Variants in CNTNAP2 observed in about 807,000 individuals in gnomAD.
CNTNAP2 encodes the protein contactin-associated protein-like 2.
A neutral mutation model predicts 155.2 loss-of-function variants in CNTNAP2; 98 were observed. The ratio of observed to expected loss-of-function variants is 0.63; its 90% CI spans 0.54 to 0.75. The LOEUF (loss-of-function observed/expected upper bound fraction) is 0.75, where lower values mean the gene tolerates loss of function less well. Among genes scored for constraint, CNTNAP2 ranks in the 30% least tolerant of loss-of-function variants. The pLI, the probability that CNTNAP2 is intolerant of heterozygous loss-of-function variation, is 0.00. For missense variants in CNTNAP2, 1,727 were observed against 1,688.1 expected, an observed-to-expected ratio of 1.02 and a Z score of -0.40; for synonymous variants, 651 against 631.2, an observed-to-expected ratio of 1.03 and a Z score of -0.47.
rs1408011137 is a variant in CNTNAP2, at chr7:147,025,864, TTA to T, written c.403-18042_403-18041del. 4.3e-3 allele frequency among the ~76,000 whole-genome samples: 419 copies of T among 97,322 alleles called. 2 individuals are homozygous for T. The highest frequency in any genetic ancestry group is 0.015 in the African/African-American group (331 of 22,826). 63.8% of individuals were successfully genotyped at this position (97,322 alleles called of 152,430 possible). ...TGTGTTGCTGTTGTTTTTTTTTTTTTTAAATTTTTATATATTTTTTAATTTGT... is the reference window on the plus strand; with the variant it reads ...TGTGTTGCTGTTGTTTTTTTTTTTTTAATTTTTATATATTTTTTAATTTGT... On this transcript the variant is annotated intron_variant, in intron 3 of 23. Transcript: ENST00000361727.
intron 10 of CNTNAP2, among the ~76,000 whole-genome samples, chr7:147,414,489 T>C (rs1184439496): frequency 1.3e-5 from 2 of 151,542 alleles, no homozygotes; most frequent in African/African-American, 2.4e-5. Flanking sequence ...TATCTAAATG[T>C]GTAGTTGTTT....
At chr7:147,131,317 A>G (rs923928397) in intron 7 of CNTNAP2, among the ~76,000 whole-genome samples, 1 of 151,712 alleles carries the variant, frequency 6.6e-6, no homozygotes, top group Non-Finnish European at 1.5e-5. Flanking sequence ...TAGAGATAGA[A>G]CCAATGAAAA....
At chr7:146,140,973 T>C (rs1027245435) in intron 1 of CNTNAP2, among the ~76,000 whole-genome samples, 2 of 152,184 alleles carry the variant, frequency 1.3e-5, no homozygotes, top group Admixed American at 6.5e-5. Flanking sequence ...TGACTGTAGG[T>C]TTGTGCAATT....
At chr7:146,976,197 G>A (rs10255778) in intron 3 of CNTNAP2, among the ~76,000 whole-genome samples, 13,994 of 152,154 alleles carry the variant, frequency 0.092, 729 homozygotes, top group Middle Eastern at 0.16. Context: ...TGCTTCTCTC[G>A]CACTACAACA....
intron 13 of CNTNAP2, among the ~76,000 whole-genome samples, chr7:147,890,239 A>T (rs946790958): frequency 2.0e-5 from 3 of 152,216 alleles, no homozygotes; most frequent in African/African-American, 7.2e-5. Context: ...ATGACAGCAT[A>T]ATTCAAAACT....
chr7:146,753,379 AAT>A (rs1801939296), intron 1 of CNTNAP2, among the ~76,000 whole-genome samples: 1 of 152,194 alleles, frequency 6.6e-6, no homozygotes, highest in African/African-American at 2.4e-5. Flanking sequence ...TTAAAAAAAA[AAT>A]GTAAGAATGG....
intron 1 of CNTNAP2, among the ~76,000 whole-genome samples, chr7:146,352,409 A>G (rs1024280064): frequency 9.2e-5 from 14 of 152,096 alleles, no homozygotes; most frequent in African/African-American, 3.4e-4. Flanking sequence ...CATCTTTTTA[A>G]TTTATCATAT....
intron 21 of CNTNAP2, among the ~76,000 whole-genome samples, chr7:148,299,355 A>G (rs1322094232): frequency 6.6e-6 from 1 of 152,180 alleles, no homozygotes; most frequent in East Asian, 1.9e-4. Context: ...AGAAAAGGAA[A>G]CAGAGCTGGG....
At chr7:147,678,008 C>T (rs1001303808) in intron 13 of CNTNAP2, among the ~76,000 whole-genome samples, 1 of 151,644 alleles carries the variant, frequency 6.6e-6, no homozygotes, top group Non-Finnish European at 1.5e-5. Flanking sequence ...TAAACCTCAT[C>T]ATCGTTTAGG....
At chr7:147,734,024 C>G (rs1371580032) in intron 13 of CNTNAP2, among the ~76,000 whole-genome samples, 2 of 152,080 alleles carry the variant, frequency 1.3e-5, no homozygotes, top group African/African-American at 4.8e-5. Flanking sequence ...TCCTGCCTGA[C>G]TGCCCTGGCC....
intron 21 of CNTNAP2, among the ~76,000 whole-genome samples, chr7:148,301,718 C>G (rs902255913): frequency 1.3e-5 from 2 of 152,188 alleles, no homozygotes; most frequent in Non-Finnish European, 2.9e-5. Flanking sequence ...GGATGTGGAT[C>G]TGTGCCAGTG....
At chr7:146,794,019 T>C (rs1314615664) in intron 2 of CNTNAP2, among the ~76,000 whole-genome samples, 2 of 152,208 alleles carry the variant, frequency 1.3e-5, no homozygotes, top group Non-Finnish European at 2.9e-5. Flanking sequence ...TAGAGACAGC[T>C]GCTGCTGATT....
intron 3 of CNTNAP2, among the ~76,000 whole-genome samples, chr7:146,894,167 A>G (rs535542019): frequency 6.6e-6 from 1 of 152,222 alleles, no homozygotes; most frequent in East Asian, 1.9e-4. Flanking sequence ...TCTTCCAAAT[A>G]CTTATACTGT....
At chr7:147,111,695 T>C (rs915448518) in intron 5 of CNTNAP2, among the ~76,000 whole-genome samples, 4 of 152,206 alleles carry the variant, frequency 2.6e-5, no homozygotes, top group African/African-American at 9.6e-5. Context: ...TGGTCTTATT[T>C]CTGAGTTCTA....
chr7:147,643,148 G>C (rs1257412635), intron 13 of CNTNAP2, among the ~76,000 whole-genome samples: 13 of 152,112 alleles, frequency 8.5e-5, no homozygotes, highest in Non-Finnish European at 2.9e-5. Context: ...TGGCATGAAG[G>C]TTTCTCATGT....
At chr7:146,620,425 TTAA>T in intron 1 of CNTNAP2, among the ~76,000 whole-genome samples, 1 of 152,290 alleles carries the variant, frequency 6.6e-6, no homozygotes, top group South Asian at 2.1e-4. Flanking sequence ...CCCATAAATG[TTAA>T]TGATAGCCTT....
intron 10 of CNTNAP2, among the ~76,000 whole-genome samples, chr7:147,404,162 G>A (rs905822405): frequency 2.0e-5 from 3 of 152,186 alleles, no homozygotes; most frequent in Non-Finnish European, 4.4e-5. Context: ...GGGGCAGAAA[G>A]TCTCCCAGAT....
intron 1 of CNTNAP2, among the ~76,000 whole-genome samples, chr7:146,395,779 T>TGATTGATA (rs1554427703): frequency 8.2e-6 from 1 of 122,024 alleles, no homozygotes; most frequent in East Asian, 2.2e-4. Context: ...GATAGACAGA[T>TGATTGATA]GATAGATAGA....
chr7:146,779,853 G>T (rs569958749), intron 2 of CNTNAP2, among the ~76,000 whole-genome samples: 2 of 152,028 alleles, frequency 1.3e-5, no homozygotes, highest in African/African-American at 4.8e-5. Flanking sequence ...TTGCACTTGC[G>T]GTCACATAAT....
Sources: gnomAD v4.1 joint callset for allele counts (sites outside exome capture counted in the v4.1 genomes callset) on GRCh38, gnomAD v4.1.1 for gene constraint, MANE v1.5 for transcripts, NCBI Gene and HGNC (gene_info 2026-07-23, HGNC 2026-07-21) for gene names.